DNAJC13: variants seen among roughly 807,000 people sequenced by gnomAD.
The protein encoded by DNAJC13 is dnaJ homolog subfamily C member 13.
Under a neutral mutation model 290.5 loss-of-function variants are expected in DNAJC13, and 75 were observed. That is an observed-to-expected ratio of 0.26 (90% CI 0.21 to 0.31). The LOEUF (loss-of-function observed/expected upper bound fraction) is 0.31, where lower values mean the gene tolerates loss of function less well. Among genes scored for constraint, DNAJC13 ranks in the 10% least tolerant of loss-of-function variants. DNAJC13 has a pLI of 1.00. For synonymous variants in DNAJC13, 862 were observed against 892.0 expected, an observed-to-expected ratio of 0.97 and a Z score of 0.60; for missense variants, 2,260 against 2,674.5, an observed-to-expected ratio of 0.85 and a Z score of 3.42.
chr3:132,469,003 A>G (rs1170740635), intron 20 of DNAJC13, among the ~76,000 whole-genome samples: 2 of 152,206 alleles, frequency 1.3e-5, no homozygotes, highest in East Asian at 3.8e-4. Context: ...TTTTAAAACA[A>G]TTGAGAGGGA....
intron 41 of DNAJC13, among the ~76,000 whole-genome samples, chr3:132,504,382 C>G (rs966636271): frequency 6.6e-6 from 1 of 151,246 alleles, no homozygotes; most frequent in Non-Finnish European, 1.5e-5. Context: ...CCAGGGACCA[C>G]TCCTGATGTT....
chr3:132,521,287 C>T (rs1936082520), intron 48 of DNAJC13, among the ~76,000 whole-genome samples: 1 of 151,796 alleles, frequency 6.6e-6, no homozygotes, highest in Admixed American at 6.6e-5. Context: ...TGGTAGTGCA[C>T]CTGTAATCTT....
At chr3:132,511,621 G>A (rs1196628189) in intron 44 of DNAJC13, among the ~76,000 whole-genome samples, 1 of 152,148 alleles carries the variant, frequency 6.6e-6, no homozygotes, top group Non-Finnish European at 1.5e-5. Flanking sequence ...CCTAACCAGT[G>A]CCATGTGCAT....
In DNAJC13 at chr3:132,502,461, A is replaced by G. The variant is rs1935449732; in HGVS notation, c.4709A>G (p.Asn1570Ser). Residue 1570 changes from asparagine (N) to serine (S), a missense_variant, in exon 40 of 56, where the codon AAC (asparagine) becomes AGC (serine). By Grantham distance (46) the Asn-to-Ser change is conservative. Around this residue, in one of 3 missense-constraint regions of DNAJC13, gnomAD observed 1,494 missense variants for 1,693.7 expected, o/e 0.88. Coordinates refer to ENST00000260818, the MANE Select transcript of DNAJC13 (RefSeq NM_015268.4). Reference sequence around the variant, plus strand: ...GGCATTCAGAAAAGTGAAGAAACAAACCAGCAGGTAACTTTAACATTGCTT... The same window carrying G: ...GGCATTCAGAAAAGTGAAGAAACAAGCCAGCAGGTAACTTTAACATTGCTT... ...ESGIQKSEET[N>S]QQEVANSLAK... 1 of 1,605,952 alleles carries G rather than the reference A, an allele frequency of 6.2e-7. No individual in the cohort carries two copies. The highest frequency in any genetic ancestry group is 1.1e-5 in the South Asian group (1 of 89,638).
intron 12 of DNAJC13, 43 bp from the exon 13 acceptor site, chr3:132,457,226 T>G (rs1933633322): frequency 2.2e-6 from 3 of 1,361,436 alleles, no homozygotes; most frequent in African/African-American, 2.9e-5. Context: ...CAATTTAAAA[T>G]GTTCTGGTAT....
chr3:132,419,867 T>C (rs1181267417), intron 1 of DNAJC13, among the ~76,000 whole-genome samples: 1 of 152,210 alleles, frequency 6.6e-6, no homozygotes, highest in Non-Finnish European at 1.5e-5. Flanking sequence ...AAAGGCTCCC[T>C]TTTTATAAAA....
intron 1 of DNAJC13, among the ~76,000 whole-genome samples, chr3:132,433,763 T>C (rs1939300212): frequency 6.6e-6 from 1 of 152,220 alleles, no homozygotes; most frequent in African/African-American, 2.4e-5. Context: ...GCTTTATTTA[T>C]TTGACATTTT....
At chr3:132,527,071 A>G (rs1576522952) in intron 53 of DNAJC13, among the ~76,000 whole-genome samples, 1 of 152,366 alleles carries the variant, frequency 6.6e-6, no homozygotes, top group East Asian at 1.9e-4. Flanking sequence ...GTATATTTCA[A>G]AATTGGTAAG....
At chr3:132,430,984 T>A (rs1353699040) in intron 1 of DNAJC13, among the ~76,000 whole-genome samples, 1 of 152,212 alleles carries the variant, frequency 6.6e-6, no homozygotes, top group African/African-American at 2.4e-5. Context: ...TTCTTCTTTC[T>A]GGTAACAATA....
chr3:132,492,127 G>C (rs1452119358), intron 32 of DNAJC13, among the ~76,000 whole-genome samples: 1 of 152,070 alleles, frequency 6.6e-6, no homozygotes, highest in African/African-American at 2.4e-5. Flanking sequence ...CATGCATTCA[G>C]ATGCTATACC....
intron 55 of DNAJC13, among the ~76,000 whole-genome samples, chr3:132,533,571 A>G (rs995715995): frequency 1.7e-4 from 26 of 150,220 alleles, no homozygotes; most frequent in Non-Finnish European, 3.5e-4. Flanking sequence ...CCTGACCTCA[A>G]ATGATCCACC....
rs113742727 is a variant in DNAJC13 at position 132,516,758 on chromosome 3, G to A, written c.5615G>A (p.Arg1872Gln). 942 of 1,613,538 alleles carry A rather than the reference G, an allele frequency of 5.8e-4. 9 individuals carry two copies. The African/African-American group carries it at 0.011, about 19-fold the overall frequency. ...MFCNSTHPQV[R>Q]AQTAELFAKM... ...TGCAATTCAACACATCCACAGGTTC[G>A]AGCCCAAACAGCAGAACTTTTTGCC... Residue 1872 changes from arginine (R) to glutamine (Q), a missense_variant, in exon 48 of 56, where the codon CGA becomes CAA. Arg to Gln is a conservative substitution (Grantham distance 43). Transcript: ENST00000260818.
Position 132,528,138 on chromosome 3 carries a change from G to T in DNAJC13, c.6382-51G>T, listed in dbSNP as rs547891078. The T allele has an allele frequency of 3.1e-6, 5 of 1,601,966 alleles. No homozygotes were observed. The African/African-American group carries it at 6.7e-5, about 21-fold the overall frequency. ...TGGGGGTAAAATTATTTCTTCAGTG[G>T]ATGATTTGCATTTTTTCTGTGTGTT... On this transcript the variant is annotated intron_variant, in intron 53 of 55. Transcript: ENST00000260818.
chr3:132,418,542 A>C (rs1483558656), intron 1 of DNAJC13, among the ~76,000 whole-genome samples: 1 of 152,156 alleles, frequency 6.6e-6, no homozygotes, highest in Non-Finnish European at 1.5e-5. Context: ...AAAAAAGTAA[A>C]GATTTCACCC....
chr3:132,503,299 A>G lies in DNAJC13; in HGVS notation c.4802A>G (p.Glu1601Gly). Residue 1601 changes from glutamate (E) to glycine (G), a missense_variant, in exon 41 of 56, where the codon GAA becomes GGA. Physicochemically the swap from Glu to Gly is moderately conservative, Grantham distance 98. This residue lies in a region of DNAJC13 where 1,494 missense variants were observed against 1,693.7 expected (regional missense o/e 0.88). Transcript: ENST00000260818. ...TTGGCTGAAGAACAAGCAACTCCAG[A>G]AAATCCAACCATAAGGAAAAGCTTA... ...GYLAEEQATP[E>G]NPTIRKSLAG... 1 of 1,614,188 alleles carries G rather than the reference A, an allele frequency of 6.2e-7. No homozygotes were observed. Among genetic ancestry groups the G allele is most frequent in the Non-Finnish European group, 8.5e-7 (1 of 1,180,000 alleles).
intron 2 of DNAJC13, among the ~76,000 whole-genome samples, chr3:132,443,465 T>A (rs1933140062): frequency 6.6e-6 from 1 of 152,222 alleles, no homozygotes; most frequent in African/African-American, 2.4e-5. Flanking sequence ...TAAAAATCTT[T>A]TAGCTGTAAA....
At position 132,525,647 on chromosome 3, in the gene DNAJC13, G is replaced by C. The variant is rs1289516972; in HGVS notation, c.6098G>C (p.Cys2033Ser). ...GAAACCTTGACAATGGCAACAGTGTGTCTCTTCAGCGCACAACCTCAGCTG... is the reference window on the plus strand; with the variant it reads ...GAAACCTTGACAATGGCAACAGTGTCTCTCTTCAGCGCACAACCTCAGCTG... ...TLETLTMATVCLFSAQPQLAD... is the reference protein window; with the variant it reads ...TLETLTMATVSLFSAQPQLAD... Residue 2033 changes from cysteine (C) to serine (S), a missense_variant, in exon 52 of 56, where the codon TGT (cysteine) becomes TCT (serine). Physicochemically the swap from Cys to Ser is moderately radical, Grantham distance 112 (BLOSUM62 -1). Around this residue, in one of 3 missense-constraint regions of DNAJC13, gnomAD observed 1,494 missense variants for 1,693.7 expected, o/e 0.88. Coordinates refer to ENST00000260818, the MANE Select transcript of DNAJC13 (RefSeq NM_015268.4). The C allele has an allele frequency of 2.5e-6, 4 of 1,613,980 alleles. No homozygotes were observed. The highest frequency in any genetic ancestry group is 1.6e-4 in the Middle Eastern group (1 of 6,084).
chr3:132,460,721 A>G (rs1233730063), intron 14 of DNAJC13, among the ~76,000 whole-genome samples: 1 of 152,236 alleles, frequency 6.6e-6, no homozygotes, highest in Non-Finnish European at 1.5e-5. Context: ...TCTTGAAGGA[A>G]CATAAGCAGA....
At position 132,538,419 on chromosome 3, in the gene DNAJC13, T is replaced by A; in HGVS notation, c.*137T>A. 1.5e-6 allele frequency: 1 copy of A among 654,472 alleles called. No individual in the cohort carries two copies. Among genetic ancestry groups the A allele is most frequent in the Non-Finnish European group, 2.5e-6 (1 of 403,690 alleles). The allele number at this position is 654,472 out of a possible 1,614,324, so 40.5% of individuals were successfully genotyped here. ...TATTCCTTTTTCTATAAATATATTTTTAGGAAAAAAAGTCAGTGATCCTAA... is the reference window on the plus strand; with the variant it reads ...TATTCCTTTTTCTATAAATATATTTATAGGAAAAAAAGTCAGTGATCCTAA... On this transcript the variant is annotated 3_prime_UTR_variant, in exon 56 of 56. Coordinates refer to ENST00000260818, the MANE Select transcript of DNAJC13 (RefSeq NM_015268.4).
Sources: gnomAD v4.1 joint callset for allele counts (sites outside exome capture counted in the v4.1 genomes callset) on GRCh38, gnomAD v4.1.1 for gene constraint, gnomAD v4.1.1 regional missense constraint, MANE v1.5 for transcripts, NCBI Gene and HGNC (gene_info 2026-07-23, HGNC 2026-07-21) for gene names.